The following SNX4 variants were observed in gnomAD, a reference collection of about 807,000 sequenced individuals.
The protein encoded by SNX4 is sorting nexin 4, also known as sorting nexin-4.
Under a neutral mutation model 70.8 loss-of-function variants are expected in SNX4, and 49 were observed. The observed-to-expected ratio is 0.69, with a 90% CI of 0.55 to 0.88. SNX4 has a LOEUF of 0.88. Ranked by LOEUF, SNX4 falls within the 40% of genes least tolerant of loss-of-function variation. The pLI is 0.00. For synonymous variants in SNX4, 206 were observed against 183.8 expected, an observed-to-expected ratio of 1.12 and a Z score of -0.98; for missense variants, 528 against 544.8, an observed-to-expected ratio of 0.97 and a Z score of 0.31.
intron 1 of SNX4, among the ~76,000 whole-genome samples, chr3:125,517,448 T>G (rs1935306641): frequency 6.6e-6 from 1 of 152,078 alleles, no homozygotes; most frequent in Non-Finnish European, 1.5e-5. Context: ...ATAAAAACAT[T>G]ACAGTAATTT....
At chr3:125,498,690 G>GCTCTGCCTATGGA in intron 2 of SNX4, among the ~76,000 whole-genome samples, 1 of 152,114 alleles carries the variant, frequency 6.6e-6, no homozygotes, top group South Asian at 2.1e-4. Context: ...GATCACAAAG[G>GCTCTGCCTATGGA]TCTGTGGATA....
chr3:125,515,512 G>T (rs1159179593), intron 1 of SNX4, among the ~76,000 whole-genome samples: 2 of 150,618 alleles, frequency 1.3e-5, no homozygotes, highest in African/African-American at 4.9e-5. Context: ...AAAAATAGAA[G>T]AAATTAGTCA....
Position 125,489,397 on chromosome 3 carries a change from C to A in SNX4, c.653+11G>T, listed in dbSNP as rs750879754. 4.7e-5 allele frequency: 76 copies of A among 1,607,038 alleles called. No individual in the cohort carries two copies. The highest frequency in any genetic ancestry group is 6.5e-5 in the Non-Finnish European group (76 of 1,174,862). ...AACAACATTGTAACTGTTATTAAAA[C>A]AAAACCTTACTTGTCTGGGTTTTTC... On this transcript the variant is annotated intron_variant, in intron 6 of 13. Coordinates refer to ENST00000251775, the MANE Select transcript of SNX4 (RefSeq NM_003794.4).
chr3:125,451,611 T>C (rs1933575652), intron 12 of SNX4, among the ~76,000 whole-genome samples, 192 bp from the exon 13 acceptor site: 1 of 152,206 alleles, frequency 6.6e-6, no homozygotes, highest in Non-Finnish European at 1.5e-5. Flanking sequence ...TCATATATTC[T>C]TGTACCTTTT....
chr3:125,490,338 C>T (rs1027518914), intron 5 of SNX4, among the ~76,000 whole-genome samples: 12 of 151,384 alleles, frequency 7.9e-5, no homozygotes, highest in African/African-American at 2.4e-4. Context: ...ATCGAGACCA[C>T]GGTGAAACGC....
chr3:125,498,729 C>A (rs1375302953), intron 2 of SNX4, among the ~76,000 whole-genome samples: 1 of 152,130 alleles, frequency 6.6e-6, no homozygotes, highest in Non-Finnish European at 1.5e-5. Context: ...GATTTCAAAG[C>A]CCTTACTCCT....
chr3:125,455,123 C>A (rs1291346798), intron 11 of SNX4, among the ~76,000 whole-genome samples: 16 of 152,018 alleles, frequency 1.1e-4, no homozygotes. Flanking sequence ...AAGACAGGGT[C>A]TAGCTATATT....
chr3:125,489,972 C>T (rs1447763648), intron 5 of SNX4, among the ~76,000 whole-genome samples: 2 of 151,930 alleles, frequency 1.3e-5, no homozygotes, highest in Non-Finnish European at 2.9e-5. Flanking sequence ...ACTAAAAATA[C>T]AAAAAAATTA....
intron 9 of SNX4, among the ~76,000 whole-genome samples, chr3:125,463,777 C>T (rs1166410635): frequency 1.3e-5 from 2 of 152,128 alleles, no homozygotes; most frequent in Non-Finnish European, 1.5e-5. Flanking sequence ...ACCTGACATA[C>T]TTGGCATTAT....
At position 125,516,639 on chromosome 3, in the gene SNX4, G is replaced by A. The variant is rs56058734; in HGVS notation, c.141+3393C>T. On this transcript the variant is annotated intron_variant, in intron 1 of 13. Coordinates refer to ENST00000251775, the MANE Select transcript of SNX4 (RefSeq NM_003794.4). Reference sequence around the variant, plus strand: ...GTGGATCACTTGAGGTCAGGAGTCCGAGACCAGCCTGGCCAACATGGTGAA... The same window carrying A: ...GTGGATCACTTGAGGTCAGGAGTCCAAGACCAGCCTGGCCAACATGGTGAA... 1.7e-4 allele frequency among the ~76,000 whole-genome samples: 26 copies of A among 152,276 alleles called. 1 individual carries two copies. Among genetic ancestry groups the A allele is most frequent in the Admixed American group, 3.3e-4 (5 of 15,294 alleles).
At chr3:125,473,182 T>G (rs1293794548) in intron 8 of SNX4, among the ~76,000 whole-genome samples, 1 of 152,054 alleles carries the variant, frequency 6.6e-6, no homozygotes, top group Non-Finnish European at 1.5e-5. Flanking sequence ...CTTGTCTCCT[T>G]CCACCCTCCC....
At chr3:125,469,793 C>T (rs372571941) in intron 8 of SNX4, among the ~76,000 whole-genome samples, 1 of 151,966 alleles carries the variant, frequency 6.6e-6, no homozygotes, top group East Asian at 1.9e-4. Flanking sequence ...CTCAGTTAGG[C>T]GGCTGATTTA....
At position 125,475,656 on chromosome 3, in the gene SNX4, C is replaced by G. The variant is rs144984977; in HGVS notation, c.788+1039G>C. Among the ~76,000 whole-genome samples the G allele has an allele frequency of 3.9e-5, 6 of 152,276 alleles. No homozygotes were observed. In the East Asian group the frequency reaches 9.7e-4, roughly 25 times the overall value. ...CTGGGATTATAGGCATGAGCCACCA[C>G]GCCTGGCTGAGAAAATTTTTTAATA... is the stretch of plus-strand genomic sequence containing the variant. On this transcript the variant is annotated intron_variant, in intron 8 of 13. Transcript: ENST00000251775.
At chr3:125,489,362 C>T in intron 6 of SNX4, 46 bp downstream of exon 6, 1 of 1,361,962 alleles carries the variant, frequency 7.3e-7, no homozygotes, top group Non-Finnish European at 1.0e-6. Flanking sequence ...AGATTGATAG[C>T]ACCATTCAAA....
intron 1 of SNX4, among the ~76,000 whole-genome samples, chr3:125,518,789 A>G (rs533839473): frequency 3.9e-5 from 6 of 152,054 alleles, no homozygotes; most frequent in Admixed American, 3.9e-4. Flanking sequence ...GATCACTAGA[A>G]GTCAGAAGTT....
chr3:125,492,256 T>A (rs1365525212), intron 5 of SNX4, among the ~76,000 whole-genome samples: 1 of 152,102 alleles, frequency 6.6e-6, no homozygotes, highest in Non-Finnish European at 1.5e-5. Context: ...GCACACCCAG[T>A]CTGGGCCTCC....
chr3:125,489,769 A>G (rs758299727), intron 5 of SNX4, among the ~76,000 whole-genome samples: 135 of 152,350 alleles, frequency 8.9e-4, no homozygotes, highest in Middle Eastern at 3.4e-3. Flanking sequence ...AGGTCATGTG[A>G]AAACAGTAGT....
At chr3:125,486,649 T>C (rs1934540850) in intron 6 of SNX4, among the ~76,000 whole-genome samples, 1 of 152,164 alleles carries the variant, frequency 6.6e-6, no homozygotes, top group Non-Finnish European at 1.5e-5. Flanking sequence ...ACGTTACTTA[T>C]ATAATCTGGT....
chr3:125,518,346 C>T (rs565284958), intron 1 of SNX4, among the ~76,000 whole-genome samples: 1 of 152,104 alleles, frequency 6.6e-6, no homozygotes, highest in Admixed American at 6.5e-5. Flanking sequence ...TCTGTAGTCC[C>T]AGCTACTCAG....
Sources: allele counts gnomAD v4.1 joint callset (sites outside exome capture counted in the v4.1 genomes callset), GRCh38; gene constraint gnomAD v4.1.1; transcripts MANE v1.5; gene names NCBI Gene and HGNC (gene_info 2026-07-23, HGNC 2026-07-21).